PRICKLE2: variants seen among roughly 807,000 people sequenced by gnomAD.
The protein encoded by PRICKLE2 is prickle planar cell polarity protein 2, also known as prickle-like protein 2.
A neutral mutation model predicts 81.4 loss-of-function variants in PRICKLE2; 21 were observed. The observed-to-expected ratio is 0.26, with a 90% CI of 0.18 to 0.37. The LOEUF (loss-of-function observed/expected upper bound fraction) is 0.37. Among genes scored for constraint, PRICKLE2 ranks in the 10% least tolerant of loss-of-function variants. The pLI is 1.00. For synonymous variants in PRICKLE2, 456 were observed against 421.5 expected, an observed-to-expected ratio of 1.08 and a Z score of -1.00; for missense variants, 940 against 1,109.0, an observed-to-expected ratio of 0.85 and a Z score of 2.16.
At chr3:64,203,674 T>C (rs1575662597) in intron 1 of PRICKLE2, among the ~76,000 whole-genome samples, 2 of 152,006 alleles carry the variant, frequency 1.3e-5, no homozygotes, top group East Asian at 1.9e-4. Context: ...AGTAGAAGGA[T>C]AAACAGAAAA....
At chr3:64,262,059 T>C (rs934455780) in intron 2 of PRICKLE2, among the ~76,000 whole-genome samples, 3 of 152,190 alleles carry the variant, frequency 2.0e-5, no homozygotes, top group Non-Finnish European at 4.4e-5. Context: ...GCAAAATCCA[T>C]AGACCTTATA....
chr3:64,227,135 C>T (rs1257910205), upstream of PRICKLE2, among the ~76,000 whole-genome samples: 1 of 152,166 alleles, frequency 6.6e-6, no homozygotes, highest in Non-Finnish European at 1.5e-5. Context: ...CTCTCTAGTT[C>T]CCAGAAGACC....
At chr3:64,177,988 A>C (rs1047616328) in intron 2 of PRICKLE2, among the ~76,000 whole-genome samples, 1 of 152,246 alleles carries the variant, frequency 6.6e-6, no homozygotes, top group South Asian at 2.1e-4. Flanking sequence ...ACAGTGCTCC[A>C]AAGTGGCTGC....
intron 2 of PRICKLE2, among the ~76,000 whole-genome samples, chr3:64,165,577 C>T (rs183826452): frequency 1.1e-4 from 16 of 152,278 alleles, no homozygotes; most frequent in Middle Eastern, 3.4e-3. Flanking sequence ...TACAGTGGCG[C>T]GGTCATGGCT....
chr3:64,162,414 G>A (rs143765672), intron 3 of PRICKLE2, among the ~76,000 whole-genome samples: 8 of 152,040 alleles, frequency 5.3e-5, no homozygotes. Context: ...AGAGATGCCC[G>A]CTTACAGTGC....
At chr3:64,262,597 G>T (rs974705655) in intron 2 of PRICKLE2, among the ~76,000 whole-genome samples, 3 of 151,554 alleles carry the variant, frequency 2.0e-5, no homozygotes, top group African/African-American at 7.3e-5. Context: ...ACATGAGCAA[G>T]CAGGAAGGAG....
In PRICKLE2 at chr3:64,099,080, G is replaced by A; in HGVS notation, c.2506C>T (p.Gln836Ter). The change falls in exon 8 of 8, where the codon CAG becomes TAG. Residue 836 changes from glutamine to a stop codon, truncating the protein, a stop_gained. Transcript: ENST00000638394. LOFTEE classifies it high-confidence loss of function. This position sits in a 1 kb window ranked among gnomAD's most constrained non-coding sequence, Gnocchi z 4.3. ...GRGQLHSRKR[Q>*]KSKNCIIS ...GAAATGATACAGTTTTTGCTCTTCT[G>A]TCTTTTCCTGCTGTGCAACTGTCCT... 6.2e-7 allele frequency: 1 copy of A among 1,614,168 alleles called. No individual in the cohort carries two copies. The highest frequency in any genetic ancestry group is 8.5e-7 in the Non-Finnish European group (1 of 1,180,028).
intron 2 of PRICKLE2, among the ~76,000 whole-genome samples, chr3:64,234,422 A>G (rs543011108): frequency 5.3e-5 from 8 of 152,332 alleles, no homozygotes; most frequent in African/African-American, 1.9e-4. Context: ...AATGTTAAAC[A>G]TCTTTTCATA....
intron 2 of PRICKLE2, among the ~76,000 whole-genome samples, chr3:64,239,570 T>C (rs549087160): frequency 5.3e-5 from 8 of 152,014 alleles, no homozygotes; most frequent in Non-Finnish European, 8.8e-5. Flanking sequence ...TCTAAGATAA[T>C]TGCTATCAGG....
At chr3:64,189,626 G>T (rs182815937) in intron 2 of PRICKLE2, among the ~76,000 whole-genome samples, 6 of 152,294 alleles carry the variant, frequency 3.9e-5, no homozygotes. Flanking sequence ...AGAAATAGAA[G>T]ATTTTGTACC....
At chr3:64,144,039 T>C (rs2077405514) in intron 7 of PRICKLE2, among the ~76,000 whole-genome samples, 1 of 152,278 alleles carries the variant, frequency 6.6e-6, no homozygotes, top group East Asian at 1.9e-4. Context: ...GTGGATGTAT[T>C]TGAGGAGGAT....
chr3:64,205,684 G>A (rs138104449), intron 1 of PRICKLE2, among the ~76,000 whole-genome samples: 43 of 152,180 alleles, frequency 2.8e-4, no homozygotes, highest in Middle Eastern at 3.4e-3. Flanking sequence ...GATTCGAATG[G>A]GATTGCAAAC....
chr3:64,147,401 G>T lies in PRICKLE2; in HGVS notation c.1089C>A (p.Asn363Lys), dbSNP rs779152301. 1.9e-6 allele frequency: 3 copies of T among 1,614,256 alleles called. No homozygotes were observed. The South Asian group carries it at 3.3e-5, about 18-fold the overall frequency. The change falls in exon 7 of 8, where the codon AAC becomes AAA. Residue 363 changes from asparagine to lysine, a missense_variant. Asn to Lys is a moderately conservative substitution (Grantham distance 94). Around this residue, in one of 2 missense-constraint regions of PRICKLE2, gnomAD observed 670 missense variants for 717.2 expected, o/e 0.93. Coordinates refer to ENST00000638394, the MANE Select transcript of PRICKLE2 (RefSeq NM_198859.4). This position sits in a 1 kb window ranked among gnomAD's most constrained non-coding sequence, Gnocchi z 5.0. ...GGGGGTCTACGTCGGCTGACAGCCG[G>T]TTAGAACTCACTTGCAGCTGGCTGT... is the stretch of plus-strand genomic sequence containing the variant. ...NQHSQLQVSS[N>K]RLSADVDPLS...
Position 64,093,829 on chromosome 3 carries a change from A to G in PRICKLE2, c.*5222T>C, listed in dbSNP as rs1209790575. On this transcript the variant is annotated 3_prime_UTR_variant, in exon 8 of 8. Coordinates refer to ENST00000638394, the MANE Select transcript of PRICKLE2 (RefSeq NM_198859.4). Reference sequence around the variant, plus strand: ...CTCAAAGGCAGAGACCACCCCTAAAATCTGGAAAGTGAGGGAGGGCTGAGA... The same window carrying G: ...CTCAAAGGCAGAGACCACCCCTAAAGTCTGGAAAGTGAGGGAGGGCTGAGA... 1.3e-5 allele frequency: 2 copies of G among 152,172 alleles called. No individual in the cohort carries two copies. Among genetic ancestry groups the G allele is most frequent in the African/African-American group, 4.8e-5 (2 of 41,438 alleles). 9.4% of individuals were successfully genotyped at this position (152,172 alleles called of 1,614,324 possible). A position where few individuals can be genotyped will look rare whatever the true frequency, so the allele number is the denominator to read the frequency against.
At chr3:64,120,922 C>A (rs1188508246) in intron 7 of PRICKLE2, among the ~76,000 whole-genome samples, 1 of 152,198 alleles carries the variant, frequency 6.6e-6, no homozygotes, top group Non-Finnish European at 1.5e-5. Flanking sequence ...TATCCTGTCT[C>A]TGCCAACAAA....
At chr3:64,200,803 G>A (rs2078559782) in intron 1 of PRICKLE2, 1 of 152,100 alleles carries the variant, frequency 6.6e-6, no homozygotes, top group Non-Finnish European at 1.5e-5. Flanking sequence ...TTTTAGTAGA[G>A]ACGGGGTTTC....
At chr3:64,150,095 A>G (rs1042668181) in intron 6 of PRICKLE2, among the ~76,000 whole-genome samples, 2 of 150,426 alleles carry the variant, frequency 1.3e-5, no homozygotes, top group Non-Finnish European at 2.9e-5. Flanking sequence ...CGCCGTGGAC[A>G]CTTCCTCCCC....
intron 2 of PRICKLE2, among the ~76,000 whole-genome samples, chr3:64,183,267 T>C (rs1248324565): frequency 6.6e-6 from 1 of 152,184 alleles, no homozygotes; most frequent in Non-Finnish European, 1.5e-5. Context: ...TTATTAGTGA[T>C]ACAATTTATT....
chr3:64,253,334 A>G (rs2079477152), intron 2 of PRICKLE2, among the ~76,000 whole-genome samples: 1 of 152,124 alleles, frequency 6.6e-6, no homozygotes, highest in African/African-American at 2.4e-5. Flanking sequence ...ACTGGAACTG[A>G]TGTTTGACTC....
Sources: gnomAD v4.1 joint callset for allele counts (sites outside exome capture counted in the v4.1 genomes callset) on GRCh38, gnomAD v4.1.1 for gene constraint, gnomAD v4.1.1 regional missense constraint, Gnocchi (gnomAD v3.1) non-coding constraint, MANE v1.5 for transcripts, NCBI Gene and HGNC (gene_info 2026-07-23, HGNC 2026-07-21) for gene names.